Variants in RBBP6 observed in about 807,000 individuals in gnomAD.
The protein encoded by RBBP6 is E3 ubiquitin-protein ligase RBBP6.
A neutral mutation model predicts 167.7 loss-of-function variants in RBBP6; 25 were observed. The ratio of observed to expected loss-of-function variants is 0.15; its 90% CI spans 0.11 to 0.21. The LOEUF is 0.21. RBBP6 is among the 10% of genes least tolerant of loss of function. RBBP6 has a pLI of 1.00. For missense variants in RBBP6, 1,868 were observed against 2,134.2 expected (o/e 0.88, Z 2.46); for synonymous variants, 789 against 735.8 (o/e 1.07, Z -1.17).
At chr16:24,553,385 T>C (rs1460516383) in intron 3 of RBBP6, 128 bp from the exon 4 acceptor site, 1 of 689,104 alleles carries the variant, frequency 1.5e-6, no homozygotes, top group Non-Finnish European at 2.5e-6. Context: ...ATTTTCAAGC[T>C]TAACATTCTT....
intron 13 of RBBP6, among the ~76,000 whole-genome samples, chr16:24,564,508 A>G (rs1053410187): frequency 1.3e-5 from 2 of 152,230 alleles, no homozygotes; most frequent in Non-Finnish European, 2.9e-5. Flanking sequence ...GTATATAACA[A>G]TAAGTTCACA....
chr16:24,570,983 C>T lies in RBBP6; in HGVS notation c.3917C>T (p.Pro1306Leu), dbSNP rs1280431081. 1 of 1,611,940 alleles carries T rather than the reference C, an allele frequency of 6.2e-7. No homozygotes were observed. Among genetic ancestry groups the T allele is most frequent in the Non-Finnish European group, 8.5e-7 (1 of 1,178,340 alleles). Residue 1306 changes from proline (P) to leucine (L), a missense_variant, in exon 18 of 18, where the codon CCA becomes CTA. Around this residue, in one of 7 missense-constraint regions of RBBP6, gnomAD observed 19 missense variants for 40.5 expected, o/e 0.47. Transcript: ENST00000319715. The stretch of plus-strand genomic sequence containing the variant: ...GAATATAATAATGACAATACCGCGC[C>T]AGCTGAAGATGTTATCATTATGATT... Reference protein sequence around the residue: ...MEEYNNDNTAPAEDVIIMIQV... With the variant: ...MEEYNNDNTALAEDVIIMIQV...
chr16:24,544,426 C>T (rs1898584740), intron 1 of RBBP6, among the ~76,000 whole-genome samples: 2 of 152,066 alleles, frequency 1.3e-5, no homozygotes, highest in Non-Finnish European at 2.9e-5. Context: ...TAGAAAATAA[C>T]CCTTGCCTGA....
At chr16:24,549,082 A>G in intron 3 of RBBP6, 101 bp downstream of exon 3, 3 of 1,541,498 alleles carry the variant, frequency 1.9e-6, no homozygotes, top group South Asian at 2.4e-5. Flanking sequence ...CCAACTGATC[A>G]TAGTACATAT....
chr16:24,556,389 A>C lies in RBBP6; in HGVS notation c.616A>C (p.Asn206His). Residue 206 changes from asparagine to histidine, a missense_variant, in exon 7 of 18, where the codon AAT (asparagine) becomes CAT (histidine). Physicochemically the swap from Asn to His is moderately conservative, Grantham distance 68 (BLOSUM62 1). Around this residue, in one of 7 missense-constraint regions of RBBP6, gnomAD observed 184 missense variants for 327.7 expected, o/e 0.56. Coordinates refer to ENST00000319715, the MANE Select transcript of RBBP6 (RefSeq NM_006910.5). ...TTTCATGATGGAAGTGAAAGATCCT[A>C]ATATGAAAGGTGCAATGCTTACCAA... ...RSFMMEVKDP[N>H]MKGAMLTNTG... 6.2e-7 allele frequency: 1 copy of C among 1,605,230 alleles called. No homozygotes were observed. The highest frequency in any genetic ancestry group is 2.2e-5 in the East Asian group (1 of 44,816).
At chr16:24,561,745 A>G (rs1302546115) in intron 9 of RBBP6, 30 bp downstream of exon 9, 1 of 1,609,974 alleles carries the variant, frequency 6.2e-7, no homozygotes. Context: ...TTATGAAAAA[A>G]TTCTTTTTAA....
At chr16:24,551,253 T>G (rs1433584249) in intron 3 of RBBP6, among the ~76,000 whole-genome samples, 2 of 151,914 alleles carry the variant, frequency 1.3e-5, no homozygotes, top group African/African-American at 4.8e-5. Context: ...TTAATTTTAA[T>G]GTCTACGGTC....
chr16:24,564,254 A>G (rs187219263), intron 13 of RBBP6, among the ~76,000 whole-genome samples: 10 of 152,326 alleles, frequency 6.6e-5, no homozygotes, highest in Admixed American at 2.0e-4. Context: ...AATCCGATTG[A>G]AAATTGATAT....
intron 1 of RBBP6, among the ~76,000 whole-genome samples, chr16:24,544,464 G>A (rs1237711446): frequency 6.6e-6 from 1 of 152,078 alleles, no homozygotes; most frequent in Non-Finnish European, 1.5e-5. Context: ...AATACTATTA[G>A]CATTATGACT....
At chr16:24,566,253 A>C (rs1042296612) in intron 14 of RBBP6, among the ~76,000 whole-genome samples, 1 of 152,222 alleles carries the variant, frequency 6.6e-6, no homozygotes, top group African/African-American at 2.4e-5. Flanking sequence ...AAGCACCTCT[A>C]GTTTAACAGA....
Position 24,568,730 on chromosome 16 carries a change from T to C in RBBP6, c.2055-15T>C, listed in dbSNP as rs767794052. Reference sequence around the variant, plus strand: ...TATTTCTCAACTATCAACTATTGTTTTGTTTTGTTTTTAGGTCTAAATCTC... The same window carrying C: ...TATTTCTCAACTATCAACTATTGTTCTGTTTTGTTTTTAGGTCTAAATCTC... On this transcript the variant is annotated splice_polypyrimidine_tract_variant and intron_variant, in intron 16 of 17. Transcript: ENST00000319715. The C allele has an allele frequency of 1.3e-6, 2 of 1,594,118 alleles. No individual in the cohort carries two copies. Among genetic ancestry groups the C allele is most frequent in the Admixed American group, 3.5e-5 (2 of 57,628 alleles).
chr16:24,565,725 G>T (rs553766636), intron 14 of RBBP6, among the ~76,000 whole-genome samples: 1 of 152,306 alleles, frequency 6.6e-6, no homozygotes, highest in African/African-American at 2.4e-5. Context: ...AGAACTGCTA[G>T]TCTAGGTCAT....
intron 13 of RBBP6, among the ~76,000 whole-genome samples, chr16:24,564,202 T>G (rs1416477161): frequency 6.6e-6 from 1 of 152,244 alleles, no homozygotes; most frequent in Non-Finnish European, 1.5e-5. Flanking sequence ...TCAGCAGACT[T>G]ACTTAATGTA....
chr16:24,564,902 ATT>A, intron 14 of RBBP6, 37 bp downstream of exon 14: 1 of 1,578,836 alleles, frequency 6.3e-7, no homozygotes, highest in Non-Finnish European at 8.6e-7. Flanking sequence ...TAATCATCTT[ATT>A]TTTTATATAT....
Position 24,562,124 on chromosome 16 carries a change from A to C in RBBP6, c.1252A>C (p.Ile418Leu). Residue 418 changes from isoleucine (I) to leucine (L), a missense_variant, in exon 10 of 18, where the codon ATA becomes CTA. Physicochemically the swap from Ile to Leu is conservative, Grantham distance 5. Transcript: ENST00000319715. ...PVPDITATVS[I>L]SVHSEKSDGP... The stretch of plus-strand genomic sequence containing the variant: ...ACCTGATATAACTGCAACAGTATCC[A>C]TATCAGTTCATTCAGAAAAATCAGA... 1 of 1,612,984 alleles carries C rather than the reference A, an allele frequency of 6.2e-7. No individual in the cohort carries two copies. Among genetic ancestry groups the C allele is most frequent in the Non-Finnish European group, 8.5e-7 (1 of 1,179,482 alleles).
chr16:24,561,568 A>G, intron 8 of RBBP6, 44 bp from the exon 9 acceptor site: 2 of 1,487,130 alleles, frequency 1.3e-6, no homozygotes, highest in East Asian at 2.3e-5. Context: ...AAACACTTTG[A>G]GTTCCTACTA....
chr16:24,557,405 A>G (rs980300120), intron 7 of RBBP6, among the ~76,000 whole-genome samples: 2 of 152,124 alleles, frequency 1.3e-5, no homozygotes, highest in Non-Finnish European at 2.9e-5. Context: ...ATCTGCTTTT[A>G]TTAATGTAGT....
chr16:24,563,721 G>A, intron 13 of RBBP6, 57 bp downstream of exon 13: 1 of 1,541,846 alleles, frequency 6.5e-7, no homozygotes, highest in Non-Finnish European at 8.9e-7. Flanking sequence ...GATAATGGAA[G>A]GTCCAAACTA....
At chr16:24,550,163 C>T (rs1023093776) in intron 3 of RBBP6, among the ~76,000 whole-genome samples, 1 of 151,702 alleles carries the variant, frequency 6.6e-6, no homozygotes, top group African/African-American at 2.4e-5. Context: ...AATACTATTG[C>T]TCTTTGTATA....
Sources: gnomAD v4.1 joint callset for allele counts (sites outside exome capture counted in the v4.1 genomes callset) on GRCh38, gnomAD v4.1.1 for gene constraint, gnomAD v4.1.1 regional missense constraint, MANE v1.5 for transcripts, NCBI Gene and HGNC (gene_info 2026-07-23, HGNC 2026-07-21) for gene names.